The following SND1 variants were observed in gnomAD, a reference collection of about 807,000 sequenced individuals.
SND1 encodes the protein staphylococcal nuclease and tudor domain containing 1.
SND1 carries 38 observed loss-of-function variants against 121.7 expected under a neutral mutation model. That is an observed-to-expected ratio of 0.31 (90% confidence interval 0.24 to 0.41). The LOEUF (loss-of-function observed/expected upper bound fraction) is 0.41. Ranked by LOEUF, SND1 falls within the 10% of genes least tolerant of loss-of-function variation. The pLI is 1.00. For synonymous variants in SND1, 401 were observed against 447.4 expected, an observed-to-expected ratio of 0.90 and a Z score of 1.31; for missense variants, 868 against 1,184.6, an observed-to-expected ratio of 0.73 and a Z score of 3.92.
chr7:127,652,496 C>A lies in SND1; in HGVS notation c.78+45C>A, dbSNP rs1203403971. 5.4e-6 allele frequency: 8 copies of A among 1,490,066 alleles called. No individual in the cohort carries two copies. The East Asian group carries it at 1.7e-4, about 32-fold the overall frequency. The allele number at this position is 1,490,066 out of a possible 1,614,324, so 92.3% of individuals were successfully genotyped here. On this transcript the variant is annotated intron_variant, in intron 1 of 23. Coordinates refer to ENST00000354725, the MANE Select transcript of SND1 (RefSeq NM_014390.4). ...ACCGACCCCTCTGCCTGCCTTCGGG[C>A]GGGAGTCAGGCATTGACTCCACCTT...
chr7:127,728,872 G>A (rs1415173031), intron 10 of SND1, among the ~76,000 whole-genome samples: 4 of 152,140 alleles, frequency 2.6e-5, no homozygotes, highest in African/African-American at 7.2e-5. Context: ...GAGCCAATGT[G>A]CTGGTATCTA....
chr7:127,657,277 A>C (rs1795228761), intron 1 of SND1, among the ~76,000 whole-genome samples: 1 of 152,174 alleles, frequency 6.6e-6, no homozygotes, highest in Non-Finnish European at 1.5e-5. Context: ...ATGATCATAC[A>C]AGATAGTGAT....
intron 10 of SND1, among the ~76,000 whole-genome samples, chr7:127,802,600 C>T (rs921405968): frequency 6.6e-6 from 1 of 152,164 alleles, no homozygotes; most frequent in Non-Finnish European, 1.5e-5. Context: ...TCTCAGTCTC[C>T]TGTTGCATAT....
At chr7:127,958,503 A>G (rs1202700590) in intron 15 of SND1, among the ~76,000 whole-genome samples, 1 of 152,190 alleles carries the variant, frequency 6.6e-6, no homozygotes, top group Non-Finnish European at 1.5e-5. Flanking sequence ...ACTTTGCTCC[A>G]CCTTTCAGTG....
chr7:127,686,335 T>TAC (rs1260684631), intron 1 of SND1, among the ~76,000 whole-genome samples: 1 of 152,256 alleles, frequency 6.6e-6, no homozygotes, highest in East Asian at 1.9e-4. Flanking sequence ...TTAATCTGTA[T>TAC]GTCTCACATG....
Position 128,012,789 on chromosome 7 carries a change from T to G in SND1, c.1779+21733T>G, listed in dbSNP as rs113574746. On this transcript the variant is annotated intron_variant, in intron 16 of 23. Coordinates refer to ENST00000354725, the MANE Select transcript of SND1 (RefSeq NM_014390.4). ...AGCTGAGCACCTTTTCATTCAGGGG[T>G]AGGCTGCTAGTTCTTCTTTCTTGGG... is the stretch of plus-strand genomic sequence containing the variant. 5.3e-5 allele frequency among the ~76,000 whole-genome samples: 8 copies of G among 152,268 alleles called. 1 individual carries two copies. The highest frequency in any genetic ancestry group is 1.9e-4 in the African/African-American group (8 of 41,548).
Position 127,662,743 on chromosome 7 carries a change from C to G in SND1, c.78+10292C>G, listed in dbSNP as rs79687900. Among the ~76,000 whole-genome samples the G allele has an allele frequency of 3.9e-4, 59 of 152,208 alleles. No individual in the cohort carries two copies. The East Asian group carries it at 0.011, about 27-fold the overall frequency. On this transcript the variant is annotated intron_variant, in intron 1 of 23. Transcript: ENST00000354725. ...TGCCTTTTCTGTGGAGCGCAGGGCC[C>G]AGCACCTGGGCCTTGGTAAATAATT... is the stretch of plus-strand genomic sequence containing the variant.
intron 1 of SND1, among the ~76,000 whole-genome samples, chr7:127,678,588 A>ACG (rs1388295770): frequency 9.2e-5 from 14 of 152,182 alleles, no homozygotes; most frequent in African/African-American, 3.4e-4. Flanking sequence ...AAAAACACAT[A>ACG]CGCACACACA....
chr7:127,701,240 G>A lies in SND1; in HGVS notation c.506G>A (p.Gly169Asp), dbSNP rs1446416077. 3 of 1,614,034 alleles carry A rather than the reference G, an allele frequency of 1.9e-6. No individual in the cohort carries two copies. The highest frequency in any genetic ancestry group is 2.5e-6 in the Non-Finnish European group (3 of 1,179,962). The change falls in exon 5 of 24, where the codon GGT (glycine) becomes GAT (aspartate). Residue 169 changes from glycine (G) to aspartate (D), a missense_variant. This residue lies in a region of SND1 where 743 missense variants were observed against 1,071.3 expected (regional missense o/e 0.69). Coordinates refer to ENST00000354725, the MANE Select transcript of SND1 (RefSeq NM_014390.4). ...AKKGMWSEGN[G>D]SHTIRDLKYT... The stretch of plus-strand genomic sequence containing the variant: ...AAAGGGATGTGGAGTGAGGGGAACG[G>A]TTCACATACTATCCGGGATCTCAAG...
intron 15 of SND1, among the ~76,000 whole-genome samples, chr7:127,967,101 G>A (rs1801869776): frequency 6.6e-6 from 1 of 152,176 alleles, no homozygotes; most frequent in East Asian, 1.9e-4. Context: ...GAGAACCTCA[G>A]TCAGTCACCC....
intron 10 of SND1, among the ~76,000 whole-genome samples, chr7:127,757,258 A>T (rs757801868): frequency 1.1e-4 from 16 of 152,150 alleles, no homozygotes; most frequent in Non-Finnish European, 2.2e-4. Flanking sequence ...GCTGTTATTT[A>T]TATCACTAGT....
chr7:127,836,683 C>G (rs1798874138), intron 11 of SND1, among the ~76,000 whole-genome samples: 1 of 152,122 alleles, frequency 6.6e-6, no homozygotes, highest in Non-Finnish European at 1.5e-5. Flanking sequence ...ATAATATCAG[C>G]AATTAACAGA....
intron 10 of SND1, among the ~76,000 whole-genome samples, chr7:127,781,857 G>C (rs534967377): frequency 6.6e-6 from 1 of 152,128 alleles, no homozygotes; most frequent in Admixed American, 6.6e-5. Flanking sequence ...TAATTACCTG[G>C]ATTATTCCCA....
intron 14 of SND1, among the ~76,000 whole-genome samples, chr7:127,921,069 T>C (rs946989687): frequency 1.4e-4 from 22 of 152,336 alleles, no homozygotes; most frequent in Middle Eastern, 6.8e-3. Context: ...ATAGAATTTG[T>C]ATTTGATTGA....
intron 16 of SND1, among the ~76,000 whole-genome samples, chr7:128,011,102 C>T (rs1803107101): frequency 6.6e-6 from 1 of 151,382 alleles, no homozygotes; most frequent in African/African-American, 2.4e-5. Context: ...GCACACTGTC[C>T]CCCCCACCCC....
In SND1 at chr7:128,043,590, T is replaced by TAG. The variant is rs201547549; in HGVS notation, c.1780-30911_1780-30910insGA. On this transcript the variant is annotated intron_variant, in intron 16 of 23. Transcript: ENST00000354725. ...CCATCTCAAAAAATAAATTTTTATA[T>TAG]ATATATATAAATTTATATATCTGAA... 1.3e-3 allele frequency among the ~76,000 whole-genome samples: 203 copies of TAG among 150,622 alleles called. 1 individual carries two copies. The East Asian group carries it at 0.038, about 28-fold the overall frequency.
intron 15 of SND1, among the ~76,000 whole-genome samples, chr7:127,932,277 G>A (rs995568555): frequency 1.3e-5 from 2 of 152,212 alleles, no homozygotes; most frequent in Non-Finnish European, 2.9e-5. Context: ...TGACTTTGAA[G>A]AGTTCAAGAC....
chr7:127,835,533 A>T (rs1482044581), intron 11 of SND1, among the ~76,000 whole-genome samples: 1 of 152,166 alleles, frequency 6.6e-6, no homozygotes, highest in Non-Finnish European at 1.5e-5. Flanking sequence ...TACAGGCTAC[A>T]CAAGGGACAG....
At chr7:127,930,720 C>T (rs567322227) in intron 15 of SND1, among the ~76,000 whole-genome samples, 1 of 152,290 alleles carries the variant, frequency 6.6e-6, no homozygotes, top group East Asian at 1.9e-4. Flanking sequence ...TCCTTTTATG[C>T]AGCCATTTGT....
Sources: gnomAD v4.1 joint callset for allele counts (sites outside exome capture counted in the v4.1 genomes callset) on GRCh38, gnomAD v4.1.1 for gene constraint, gnomAD v4.1.1 regional missense constraint, MANE v1.5 for transcripts, NCBI Gene and HGNC (gene_info 2026-07-23, HGNC 2026-07-21) for gene names.